GTF2I: variants seen among roughly 807,000 people sequenced by gnomAD.
GTF2I encodes general transcription factor IIi.
Under a neutral mutation model 67.6 loss-of-function variants are expected in GTF2I, and 12 were observed. The observed-to-expected ratio is 0.18, with a 90% confidence interval of 0.11 to 0.29. The LOEUF (loss-of-function observed/expected upper bound fraction) is 0.29, where lower values mean the gene tolerates loss of function less well. Ranked by LOEUF, GTF2I falls within the 10% of genes least tolerant of loss-of-function variation. GTF2I has a pLI of 1.00. For synonymous variants in GTF2I, 149 were observed against 197.0 expected, an observed-to-expected ratio of 0.76 and a Z score of 2.04; for missense variants, 271 against 580.1, an observed-to-expected ratio of 0.47 and a Z score of 5.47.
intron 6 of GTF2I, among the ~76,000 whole-genome samples, chr7:74,703,411 G>A (rs1168033054): frequency 1.3e-5 from 2 of 151,208 alleles, no homozygotes; most frequent in African/African-American, 2.4e-5. Flanking sequence ...ACAGAGTCTC[G>A]CTGTGTCACC....
In GTF2I at chr7:74,699,220, A is replaced by G. The variant is rs587691614; in HGVS notation, c.373+125A>G. Reference sequence around the variant, plus strand: ...TTTTCAGTGACTGAATGGATTAGCAATAACCTTACTTTCTTCCACTTCCAT... The same window carrying G: ...TTTTCAGTGACTGAATGGATTAGCAGTAACCTTACTTTCTTCCACTTCCAT... On this transcript the variant is annotated intron_variant, in intron 4 of 34. Coordinates refer to ENST00000573035, the MANE Select transcript of GTF2I (RefSeq NM_032999.4). The G allele has an allele frequency of 1.6e-4, 74 of 455,892 alleles. No homozygotes were observed. In the South Asian group the frequency reaches 3.0e-3, roughly 18 times the overall value. 28.2% of individuals were successfully genotyped at this position (455,892 alleles called of 1,614,324 possible). A position where few individuals can be genotyped will look rare whatever the true frequency, so the allele number is the denominator to read the frequency against.
chr7:74,686,908 G>A (rs1160212761), intron 1 of GTF2I, among the ~76,000 whole-genome samples: 1 of 142,878 alleles, frequency 7.0e-6, no homozygotes, highest in Admixed American at 7.0e-5. Flanking sequence ...TTTTTTTTTT[G>A]AGATAGAGTC....
intron 1 of GTF2I, among the ~76,000 whole-genome samples, chr7:74,663,160 G>A (rs1261174757): frequency 6.6e-6 from 1 of 152,138 alleles, no homozygotes; most frequent in Non-Finnish European, 1.5e-5. Flanking sequence ...TGACATGAAT[G>A]TTTTATATAA....
intron 14 of GTF2I, among the ~76,000 whole-genome samples, chr7:74,731,524 G>T (rs1433275498): frequency 7.2e-6 from 1 of 139,770 alleles, no homozygotes; most frequent in African/African-American, 2.7e-5. Flanking sequence ...TTTTTTGCCC[G>T]TGGTTTTTTG....
intron 10 of GTF2I, among the ~76,000 whole-genome samples, chr7:74,715,799 C>T (rs1554403510): frequency 6.6e-6 from 1 of 151,720 alleles, no homozygotes; most frequent in African/African-American, 2.4e-5. Flanking sequence ...GAAAAGAATC[C>T]CCAGATAATT....
chr7:74,697,450 C>CA (rs1397433030), intron 3 of GTF2I, among the ~76,000 whole-genome samples: 11 of 152,072 alleles, frequency 7.2e-5, no homozygotes, highest in African/African-American at 2.4e-4. Context: ...ACCAAGTCTT[C>CA]AAAATCCAGT....
chr7:74,659,540 C>T (rs1554385451), intron 1 of GTF2I, among the ~76,000 whole-genome samples: 4 of 152,028 alleles, frequency 2.6e-5, no homozygotes, highest in Non-Finnish European at 4.4e-5. Context: ...CAGGCGTGCC[C>T]ACCACGCCCG....
At position 74,715,504 on chromosome 7, in the gene GTF2I, C is replaced by T. The variant is rs141114432; in HGVS notation, c.823+588C>T. On this transcript the variant is annotated intron_variant, in intron 10 of 34. Transcript: ENST00000573035. ...AAGACATACAGAATTATTGCTTACA[C>T]GAACAATCATCTTAACTGTTATTCT... Among the ~76,000 whole-genome samples the T allele has an allele frequency of 3.8e-4, 58 of 152,122 alleles. 2 individuals carry two copies. The East Asian group carries it at 7.5e-3, about 20-fold the overall frequency.
chr7:74,683,634 C>G (rs982073133), intron 1 of GTF2I, among the ~76,000 whole-genome samples: 4 of 152,262 alleles, frequency 2.6e-5, no homozygotes, highest in African/African-American at 9.6e-5. Flanking sequence ...GGGCAGATCA[C>G]CTGAGGTCAG....
At chr7:74,709,275 G>A (rs587649718) in intron 8 of GTF2I, among the ~76,000 whole-genome samples, 1 of 152,084 alleles carries the variant, frequency 6.6e-6, no homozygotes, top group East Asian at 1.9e-4. Flanking sequence ...TTGAGACAAG[G>A]TCTCACTCTG....
chr7:74,699,504 C>G (rs587693023), intron 4 of GTF2I: 12 of 152,802 alleles, frequency 7.9e-5, no homozygotes, highest in African/African-American at 2.6e-4. Context: ...ACCACATTCG[C>G]CAGGCTGGTC....
At chr7:74,664,437 T>C (rs1488489780) in intron 1 of GTF2I, among the ~76,000 whole-genome samples, 4 of 152,180 alleles carry the variant, frequency 2.6e-5, no homozygotes, top group Non-Finnish European at 5.9e-5. Flanking sequence ...AACTTGTTTC[T>C]GTTTTTGTTT....
chr7:74,659,089 T>A (rs930568761), intron 1 of GTF2I, among the ~76,000 whole-genome samples: 10 of 152,150 alleles, frequency 6.6e-5, no homozygotes, highest in South Asian at 2.1e-4. Flanking sequence ...CTCCTTTTTT[T>A]AAAAAAAATT....
At position 74,664,009 on chromosome 7, in the gene GTF2I, A is replaced by G. The variant is rs587722143; in HGVS notation, c.-6+5941A>G. On this transcript the variant is annotated intron_variant, in intron 1 of 34. Coordinates refer to ENST00000573035, the MANE Select transcript of GTF2I (RefSeq NM_032999.4). ...CATGCCCGGCTAATTTTGTATTTTTAGTAGAGACGGGGTTTCACCGTGTTG... is the reference window on the plus strand; with the variant it reads ...CATGCCCGGCTAATTTTGTATTTTTGGTAGAGACGGGGTTTCACCGTGTTG... 3.3e-5 allele frequency among the ~76,000 whole-genome samples: 5 copies of G among 151,818 alleles called. No homozygotes were observed. The South Asian group carries it at 1.0e-3, about 32-fold the overall frequency.
chr7:74,724,155 T>C (rs1793459539), intron 12 of GTF2I, among the ~76,000 whole-genome samples: 1 of 152,230 alleles, frequency 6.6e-6, no homozygotes, highest in Non-Finnish European at 1.5e-5. Context: ...TGCCAAATAG[T>C]CATTTAATAA....
intron 9 of GTF2I, among the ~76,000 whole-genome samples, chr7:74,713,124 A>G (rs1791823762): frequency 1.3e-5 from 2 of 152,318 alleles, no homozygotes; most frequent in South Asian, 4.1e-4. Flanking sequence ...GGGACATTAA[A>G]ATAATTTGAA....
chr7:74,701,118 T>C (rs951781972), intron 6 of GTF2I, among the ~76,000 whole-genome samples: 1 of 152,190 alleles, frequency 6.6e-6, no homozygotes, highest in Admixed American at 6.5e-5. Context: ...GATTCCTTTA[T>C]AGTTCAGGAA....
chr7:74,725,013 G>A (rs587718948), intron 12 of GTF2I, among the ~76,000 whole-genome samples: 1 of 152,304 alleles, frequency 6.6e-6, no homozygotes, highest in South Asian at 2.1e-4. Context: ...TGAATTTGAA[G>A]CATGCTGAAA....
At chr7:74,672,276 C>T (rs1203574568) in intron 1 of GTF2I, among the ~76,000 whole-genome samples, 1 of 152,110 alleles carries the variant, frequency 6.6e-6, no homozygotes, top group Non-Finnish European at 1.5e-5. Flanking sequence ...CGATGGCTCT[C>T]GCCAGTAATC....
Sources: allele counts gnomAD v4.1 joint callset (sites outside exome capture counted in the v4.1 genomes callset), GRCh38; gene constraint gnomAD v4.1.1; transcripts MANE v1.5; gene names NCBI Gene and HGNC (gene_info 2026-07-23, HGNC 2026-07-21).